Variants in ZNF548 observed in about 807,000 individuals in gnomAD.
ZNF548 encodes zinc finger protein 548.
ZNF548 carries 10 observed loss-of-function variants against 10.2 expected under a neutral mutation model. That is an observed-to-expected ratio of 0.98 (90% CI 0.60 to 1.66). The LOEUF (loss-of-function observed/expected upper bound fraction) is 1.66, where lower values mean the gene tolerates loss of function less well. ZNF548 is among the 40% of genes most tolerant of loss of function. The probability of loss-of-function intolerance (pLI) is 0.00; values close to 1 mark genes in which losing one functional copy is unlikely to be tolerated. For synonymous variants in ZNF548, 217 were observed against 223.5 expected (o/e 0.97, Z 0.26); for missense variants, 599 against 657.0 (o/e 0.91, Z 0.97).
Position 57,398,521 on chromosome 19 carries a change from G to T in ZNF548, c.270G>T (p.Leu90=), listed in dbSNP as rs35858487. 3.1e-5 allele frequency: 50 copies of T among 1,614,134 alleles called. No homozygotes were observed. The highest frequency in any genetic ancestry group is 1.6e-4 in the Middle Eastern group (1 of 6,062). ...VSEVTASKPC[L]SSQKVHPSET... ...AGGTTACAGCTTCAAAGCCCTGTCT[G>T]TCCAGCCAGAAGGTCCACCCTAGTG... Residue 90 remains leucine, a synonymous_variant, in exon 4 of 4, where the codon CTG becomes CTT. Coordinates refer to ENST00000336128, the MANE Select transcript of ZNF548 (RefSeq NM_001172773.2).
rs2088672358 is a variant in ZNF548 at position 57,397,164 on chromosome 19, G to A, written c.168G>A (p.Leu56=). Residue 56 remains leucine, a synonymous_variant, in exon 3 of 4, where the codon TTG becomes TTA. Transcript: ENST00000336128. ...RDVMLENLAL[L]SSLGSWHGAE... ...TGATGCTGGAGAATTTGGCCCTTTT[G>A]TCCTCACTAGGTAAGGCCCTCACAC... The A allele has an allele frequency of 2.5e-6, 4 of 1,608,084 alleles. No homozygotes were observed. The South Asian group carries it at 3.3e-5, about 13-fold the overall frequency.
At chr19:57,393,367 T>C (rs564748797) in intron 1 of ZNF548, among the ~76,000 whole-genome samples, 4 of 151,982 alleles carry the variant, frequency 2.6e-5, no homozygotes, top group Non-Finnish European at 5.9e-5. Flanking sequence ...TTATGTTAAA[T>C]TTCTAAAAGT....
Position 57,399,831 on chromosome 19 carries a change from C to T in ZNF548, c.1580C>T (p.Ala527Val). ...VCSMNVGNSLAKTPTSLNIRD... is the reference protein window; with the variant it reads ...VCSMNVGNSLVKTPTSLNIRD... The stretch of plus-strand genomic sequence containing the variant: ...TCCATGAATGTGGGGAATTCTTTAG[C>T]TAAAACTCCAACCTCATTAAACATC... The change falls in exon 4 of 4, where the codon GCT becomes GTT. Residue 527 changes from alanine (A) to valine (V), a missense_variant. Physicochemically the swap from Ala to Val is moderately conservative, Grantham distance 64. Coordinates refer to ENST00000336128, the MANE Select transcript of ZNF548 (RefSeq NM_001172773.2). The surrounding 1 kb of genome is among the most constrained non-coding windows in gnomAD (Gnocchi z 4.0). The T allele has an allele frequency of 6.2e-7, 1 of 1,613,410 alleles. No individual in the cohort carries two copies. The highest frequency in any genetic ancestry group is 8.5e-7 in the Non-Finnish European group (1 of 1,179,520).
At chr19:57,394,129 C>T in intron 1 of ZNF548, 59 bp from the exon 2 acceptor site, 1 of 1,566,686 alleles carries the variant, frequency 6.4e-7, no homozygotes. Context: ...GGTGGTCCAT[C>T]TCAGCCTGAA....
At chr19:57,390,246 G>A in intron 1 of ZNF548, 132 bp downstream of exon 1, 3 of 1,017,718 alleles carry the variant, frequency 2.9e-6, no homozygotes, top group Non-Finnish European at 4.2e-6. Flanking sequence ...CGTATCAGCC[G>A]ATTTGATGCA....
chr19:57,391,834 C>G (rs1200530484), intron 1 of ZNF548, among the ~76,000 whole-genome samples: 1 of 133,222 alleles, frequency 7.5e-6, no homozygotes, highest in Admixed American at 8.6e-5. Flanking sequence ...CGCTCCGTCG[C>G]CCAGGCTGGA....
At position 57,397,002 on chromosome 19, in the gene ZNF548, G is replaced by A. The variant is rs530481901; in HGVS notation, c.52-46G>A. The stretch of plus-strand genomic sequence containing the variant: ...AAAATAGAGAACTTAAGTAAATACA[G>A]CTTGAAAAGAAGCTGCTTATGTATT... On this transcript the variant is annotated intron_variant, in intron 2 of 3. Transcript: ENST00000336128. The A allele has an allele frequency of 1.4e-5, 22 of 1,572,134 alleles. No homozygotes were observed. The South Asian group carries it at 2.6e-4, about 18-fold the overall frequency.
chr19:57,390,690 T>C (rs529691668), intron 1 of ZNF548: 1 of 152,458 alleles, frequency 6.6e-6, no homozygotes, highest in South Asian at 2.1e-4. Flanking sequence ...GTGTTTGTTT[T>C]GTTTTTTGTT....
At chr19:57,397,290 T>G (rs2088673767) in intron 3 of ZNF548, 116 bp downstream of exon 3, 2 of 1,416,886 alleles carry the variant, frequency 1.4e-6, no homozygotes, top group South Asian at 1.8e-5. Flanking sequence ...TTTCCCTGTT[T>G]CTTGGCATAT....
Position 57,399,046 on chromosome 19 carries a change from T to A in ZNF548, c.795T>A (p.Tyr265Ter). Residue 265 changes from tyrosine (Y) to a stop codon, truncating the protein, a stop_gained, in exon 4 of 4, where the codon TAT becomes TAA. Coordinates refer to ENST00000336128, the MANE Select transcript of ZNF548 (RefSeq NM_001172773.2). LOFTEE classifies it low-confidence loss of function (END_TRUNC). The surrounding 1 kb of genome is among the most constrained non-coding windows in gnomAD (Gnocchi z 4.0). ...CAGTTCACACTAGTGAAAGGACTTA[T>A]GAGTGCAGAGAATGTGGAAAATCCT... ...HQTVHTSERT[Y>*]ECRECGKSFM... 1 of 1,614,254 alleles carries A rather than the reference T, an allele frequency of 6.2e-7. No individual in the cohort carries two copies. Among genetic ancestry groups the A allele is most frequent in the Non-Finnish European group, 8.5e-7 (1 of 1,180,042 alleles).
chr19:57,391,789 G>GTTTTTTTTTTTTTT lies in ZNF548; in HGVS notation c.15+1684_15+1697dup, dbSNP rs71186258. Among the ~76,000 whole-genome samples, 2 of 93,586 alleles carry GTTTTTTTTTTTTTT rather than the reference G, an allele frequency of 2.1e-5. 1 individual carries two copies. The highest frequency in any genetic ancestry group is 4.0e-5 in the Non-Finnish European group (2 of 49,868). 61.4% of individuals were successfully genotyped at this position (93,586 alleles called of 152,430 possible). On this transcript the variant is annotated intron_variant, in intron 1 of 3. Coordinates refer to ENST00000336128, the MANE Select transcript of ZNF548 (RefSeq NM_001172773.2). ...GAAAAATGTCTGCCCTGTGCTTACTGTTTTTTTTTTTTTTTTTTTTTTGAA... is the reference window on the plus strand; with the variant it reads ...GAAAAATGTCTGCCCTGTGCTTACTGTTTTTTTTTTTTTTTTTTTTTTTTTTTTTTTTTTTTGAA...
chr19:57,398,430 G>A lies in ZNF548; in HGVS notation c.179G>A (p.Gly60Asp). ...TTCTCCAGCATTTCTGTTCTGACAG[G>A]TTCTTGGCATGGAGCTGAGGATGAG... ...LENLALLSSL[G>D]SWHGAEDEEA... The change falls in exon 4 of 4, where the codon GGT becomes GAT. Residue 60 changes from glycine to aspartate, a missense_variant and splice_region_variant. Transcript: ENST00000336128. The A allele has an allele frequency of 3.7e-6, 6 of 1,611,712 alleles. No individual in the cohort carries two copies. The highest frequency in any genetic ancestry group is 5.1e-6 in the Non-Finnish European group (6 of 1,177,952).
rs773953811 is a variant in ZNF548, at chr19:57,399,566, G to A, written c.1315G>A (p.Gly439Arg). 1.8e-5 allele frequency: 29 copies of A among 1,613,816 alleles called. No individual in the cohort carries two copies. Among genetic ancestry groups the A allele is most frequent in the Non-Finnish European group, 2.2e-5 (26 of 1,179,974 alleles). Residue 439 changes from glycine (G) to arginine (R), a missense_variant, in exon 4 of 4, where the codon GGG becomes AGG. Transcript: ENST00000336128. The surrounding 1 kb of genome is among the most constrained non-coding windows in gnomAD (Gnocchi z 4.0). Reference sequence around the variant, plus strand: ...AAGGCCTTATGAGTGCAGCGAATGCGGGAAATTCTTTCGTTACAACTCCAA... The same window carrying A: ...AAGGCCTTATGAGTGCAGCGAATGCAGGAAATTCTTTCGTTACAACTCCAA... ...GERPYECSECGKFFRYNSNLI... is the reference protein window; with the variant it reads ...GERPYECSECRKFFRYNSNLI...
rs780494540 is a variant in ZNF548 at position 57,394,242 on chromosome 19, A to C, written c.51+19A>C. On this transcript the variant is annotated intron_variant, in intron 2 of 3. Transcript: ENST00000336128. ...TACACAGGTGAGTAGAGTGTTTCCT[A>C]CTATTCACCCACCCTGGTTATCTCC... 1 of 1,599,828 alleles carries C rather than the reference A, an allele frequency of 6.3e-7. No homozygotes were observed. Among genetic ancestry groups the C allele is most frequent in the Non-Finnish European group, 8.5e-7 (1 of 1,178,146 alleles).
chr19:57,399,124 G>T lies in ZNF548; in HGVS notation c.873G>T (p.Arg291Ser), dbSNP rs1171800894. ...MRHKRVHTGE[R>S]PYECNTCGKF... ...ATAAGCGAGTTCACACTGGAGAAAGGCCTTATGAGTGCAACACATGTGGGA... is the reference window on the plus strand; with the variant it reads ...ATAAGCGAGTTCACACTGGAGAAAGTCCTTATGAGTGCAACACATGTGGGA... The change falls in exon 4 of 4, where the codon AGG (arginine) becomes AGT (serine). Residue 291 changes from arginine (R) to serine (S), a missense_variant. Transcript: ENST00000336128. This position sits in a 1 kb window ranked among gnomAD's most constrained non-coding sequence, Gnocchi z 4.0. 2 of 1,614,064 alleles carry T rather than the reference G, an allele frequency of 1.2e-6. No homozygotes were observed. Among genetic ancestry groups the T allele is most frequent in the East Asian group, 2.2e-5 (1 of 44,894 alleles).
intron 2 of ZNF548, 139 bp downstream of exon 2, chr19:57,394,362 T>G (rs766562346): frequency 1.1e-5 from 10 of 892,268 alleles, no homozygotes; most frequent in Non-Finnish European, 1.2e-5. Flanking sequence ...GTATTACAAG[T>G]TGGCTGCTGG....
chr19:57,391,283 G>C (rs566541669), intron 1 of ZNF548, among the ~76,000 whole-genome samples: 2 of 139,718 alleles, frequency 1.4e-5, no homozygotes, highest in East Asian at 4.4e-4. Flanking sequence ...TGCTGTAAAA[G>C]ACATAGTTTC....
At position 57,389,923 on chromosome 19, in the gene ZNF548, G is replaced by A. The variant is rs115744302; in HGVS notation, c.-177G>A. The A allele has an allele frequency of 5.0e-3, 3,506 of 698,682 alleles. 80 individuals carry two copies. Among genetic ancestry groups the A allele is most frequent in the African/African-American group, 0.05 (2,807 of 56,144 alleles). 43.3% of individuals were successfully genotyped at this position (698,682 alleles called of 1,614,324 possible). On this transcript the variant is annotated 5_prime_UTR_variant, in exon 1 of 4. The change abolishes an upstream ATG in the 5' untranslated region. Transcript: ENST00000336128. ...TGGTGTTTCACCAACTTCGGCCTAT[G>A]GCTCTGTCTGACGTCACCGAAGTGA... is the stretch of plus-strand genomic sequence containing the variant.
chr19:57,395,021 T>C lies in ZNF548; in HGVS notation c.51+798T>C, dbSNP rs987019733. Among the ~76,000 whole-genome samples the C allele has an allele frequency of 2.6e-5, 4 of 151,698 alleles. No homozygotes were observed. The highest frequency in any genetic ancestry group is 9.7e-5 in the African/African-American group (4 of 41,078). On this transcript the variant is annotated intron_variant, in intron 2 of 3. Transcript: ENST00000336128. This position sits in a 1 kb window ranked among gnomAD's most constrained non-coding sequence, Gnocchi z 4.8. ...GTCTCAGAGACTCCTGATGGAGGAG[T>C]TCAGGTTGGAGATGTCCACACTATG...
Sources: gnomAD v4.1 joint callset for allele counts (sites outside exome capture counted in the v4.1 genomes callset) on GRCh38, gnomAD v4.1.1 for gene constraint, Gnocchi (gnomAD v3.1) non-coding constraint, MANE v1.5 for transcripts, NCBI Gene and HGNC (gene_info 2026-07-23, HGNC 2026-07-21) for gene names.